The following HPS3 variants were observed in gnomAD, a reference collection of about 807,000 sequenced individuals.
HPS3 encodes the protein BLOC-2 complex member HPS3.
HPS3 carries 79 observed loss-of-function variants against 110.9 expected under a neutral mutation model. The observed-to-expected ratio is 0.71, with a 90% CI of 0.59 to 0.86. The LOEUF is 0.86. Among genes scored for constraint, HPS3 ranks in the 40% least tolerant of loss-of-function variants. The pLI is 0.00. For synonymous variants in HPS3, 428 were observed against 451.0 expected (o/e 0.95, Z 0.65); for missense variants, 1,197 against 1,206.2 (o/e 0.99, Z 0.11).
intron 14 of HPS3, among the ~76,000 whole-genome samples, chr3:149,166,362 A>C (rs537413027): frequency 1.3e-5 from 2 of 152,322 alleles, no homozygotes; most frequent in South Asian, 4.1e-4. Context: ...AACTACAGGA[A>C]GGGGTGTAAA....
chr3:149,160,380 G>A, intron 11 of HPS3, 101 bp downstream of exon 11: 1 of 790,000 alleles, frequency 1.3e-6, no homozygotes, highest in Non-Finnish European at 2.2e-6. Flanking sequence ...ATATATTCTT[G>A]GTTGTAATGG....
chr3:149,162,490 A>C, intron 12 of HPS3, 157 bp downstream of exon 12: 1 of 887,118 alleles, frequency 1.1e-6, no homozygotes, highest in Non-Finnish European at 1.8e-6. Flanking sequence ...TTAAAAGACT[A>C]TATCTGTAGA....
chr3:149,134,885 G>C (rs1721996745), intron 1 of HPS3, among the ~76,000 whole-genome samples: 1 of 152,160 alleles, frequency 6.6e-6, no homozygotes, highest in Non-Finnish European at 1.5e-5. Context: ...CCTGGGTACA[G>C]CTCCTATTAA....
intron 5 of HPS3, among the ~76,000 whole-genome samples, chr3:149,150,314 C>T (rs555193183): frequency 7.9e-5 from 12 of 152,166 alleles, no homozygotes; most frequent in South Asian, 2.1e-4. Flanking sequence ...GGATGCACAT[C>T]AGAGTCACAT....
At chr3:149,155,378 C>T (rs1723387304) in intron 8 of HPS3, among the ~76,000 whole-genome samples, 163 bp downstream of exon 8, 1 of 152,184 alleles carries the variant, frequency 6.6e-6, no homozygotes, top group Admixed American at 6.5e-5. Flanking sequence ...CTCATTGTTA[C>T]AGCTTCTGAC....
intron 1 of HPS3, among the ~76,000 whole-genome samples, chr3:149,130,732 C>T (rs1475695030): frequency 1.3e-5 from 2 of 152,138 alleles, no homozygotes; most frequent in Non-Finnish European, 2.9e-5. Flanking sequence ...CCATTGCACT[C>T]CAGTTTAGGC....
chr3:149,131,656 A>G (rs1053044470), intron 1 of HPS3, among the ~76,000 whole-genome samples: 1 of 152,190 alleles, frequency 6.6e-6, no homozygotes, highest in African/African-American at 2.4e-5. Flanking sequence ...AATCAGGCCA[A>G]TTAATAACCC....
chr3:149,145,243 A>C (rs1464327397), intron 4 of HPS3, 111 bp from the exon 5 acceptor site: 1 of 795,248 alleles, frequency 1.3e-6, no homozygotes, highest in Non-Finnish European at 2.2e-6. Flanking sequence ...TCCCCTTTGC[A>C]ACTCTTTGGT....
intron 9 of HPS3, among the ~76,000 whole-genome samples, chr3:149,157,957 T>C (rs1241048063): frequency 2.0e-5 from 3 of 152,190 alleles, no homozygotes; most frequent in African/African-American, 4.8e-5. Flanking sequence ...AGGACTTTTT[T>C]CCCACCATCT....
rs756510967 is a variant in HPS3 at position 149,160,131 on chromosome 3, A to G, written c.1958A>G (p.Asn653Ser). 22 of 1,613,846 alleles carry G rather than the reference A, an allele frequency of 1.4e-5. No homozygotes were observed. Among genetic ancestry groups the G allele is most frequent in the Non-Finnish European group, 1.9e-5 (22 of 1,179,868 alleles). Residue 653 changes from asparagine to serine, a missense_variant, in exon 11 of 17, where the codon AAT (asparagine) becomes AGT (serine). Coordinates refer to ENST00000296051, the MANE Select transcript of HPS3 (RefSeq NM_032383.5). Reference protein sequence around the residue: ...PHILCSPSMKNINPLTAMSYL... With the variant: ...PHILCSPSMKSINPLTAMSYL... ...ATTCTCTGTAGTCCTTCTATGAAGA[A>G]TATTAATCCTTTAACTGCCATGAGC...
chr3:149,141,417 A>T (rs772162331), intron 4 of HPS3, 37 bp downstream of exon 4: 1 of 1,522,934 alleles, frequency 6.6e-7, no homozygotes, highest in Non-Finnish European at 9.1e-7. Flanking sequence ...CAGTGCAGCA[A>T]GGTGAAAATG....
At chr3:149,163,673 A>G (rs909530355) in intron 13 of HPS3, among the ~76,000 whole-genome samples, 169 bp from the exon 14 acceptor site, 5 of 152,224 alleles carry the variant, frequency 3.3e-5, no homozygotes, top group Admixed American at 2.0e-4. Flanking sequence ...CAAGACTGAA[A>G]TATTTTCCAG....
At chr3:149,143,423 A>G (rs1188238174) in intron 4 of HPS3, among the ~76,000 whole-genome samples, 1 of 152,166 alleles carries the variant, frequency 6.6e-6, no homozygotes, top group South Asian at 2.1e-4. Flanking sequence ...TCAATTTAAA[A>G]TATCCCTTCT....
chr3:149,154,796 G>A (rs953637709), intron 7 of HPS3, among the ~76,000 whole-genome samples: 12 of 152,164 alleles, frequency 7.9e-5, no homozygotes, highest in African/African-American at 2.2e-4. Flanking sequence ...AGGGACTTCC[G>A]CAGTCAAGGA....
At position 149,140,096 on chromosome 3, in the gene HPS3, G is replaced by A. The variant is rs766824775; in HGVS notation, c.310G>A (p.Val104Met). 4 of 1,613,152 alleles carry A rather than the reference G, an allele frequency of 2.5e-6. No individual in the cohort carries two copies. The African/African-American group carries it at 4.0e-5, about 16-fold the overall frequency. ...WRNKRTENSRVCIRMIGHNVE... is the reference protein window; with the variant it reads ...WRNKRTENSRMCIRMIGHNVE... ...AAATAAAAGGACTGAAAACTCTCGTGTGTGTATCCGAATGATTGGGCATAA... is the reference window on the plus strand; with the variant it reads ...AAATAAAAGGACTGAAAACTCTCGTATGTGTATCCGAATGATTGGGCATAA... Residue 104 changes from valine to methionine, a missense_variant, in exon 2 of 17, where the codon GTG (valine) becomes ATG (methionine). By Grantham distance (21) the Val-to-Met change is conservative. Transcript: ENST00000296051.
chr3:149,166,587 A>G (rs926186973), intron 14 of HPS3, among the ~76,000 whole-genome samples: 1 of 152,130 alleles, frequency 6.6e-6, no homozygotes, highest in Admixed American at 6.5e-5. Context: ...TGGCTGTGTA[A>G]TGTTCCATTA....
rs1723519894 is a variant in HPS3 at position 149,157,384 on chromosome 3, C to A, written c.1544C>A (p.Thr515Asn). Residue 515 changes from threonine to asparagine, a missense_variant, in exon 9 of 17, where the codon ACC becomes AAC. Transcript: ENST00000296051. The stretch of plus-strand genomic sequence containing the variant: ...AGCAATACCTATAAGACTGTCAAAA[C>A]CCAGAGCTGCATTCACCTTCTCAGT... ...DYSNTYKTVKTQSCIHLLSEA... is the reference protein window; with the variant it reads ...DYSNTYKTVKNQSCIHLLSEA... 4 of 1,613,820 alleles carry A rather than the reference C, an allele frequency of 2.5e-6. No homozygotes were observed. The highest frequency in any genetic ancestry group is 3.3e-5 in the Admixed American group (2 of 59,960).
chr3:149,133,419 C>T (rs1051920239), intron 1 of HPS3, among the ~76,000 whole-genome samples: 2 of 152,138 alleles, frequency 1.3e-5, no homozygotes, highest in African/African-American at 4.8e-5. Flanking sequence ...CAGCCTCAGC[C>T]TCCCAAGTAG....
intron 4 of HPS3, among the ~76,000 whole-genome samples, chr3:149,144,228 A>G (rs1424236260): frequency 6.6e-6 from 1 of 151,016 alleles, no homozygotes; most frequent in Non-Finnish European, 1.5e-5. Flanking sequence ...AAAAAAAAAA[A>G]AAAAATTAGC....
Sources: allele counts gnomAD v4.1 joint callset (sites outside exome capture counted in the v4.1 genomes callset), GRCh38; gene constraint gnomAD v4.1.1; transcripts MANE v1.5; gene names NCBI Gene and HGNC (gene_info 2026-07-23, HGNC 2026-07-21).